The following DNAI4 variants were observed in gnomAD, a reference collection of about 807,000 sequenced individuals.
DNAI4 encodes the protein dynein axonemal intermediate chain 4.
DNAI4 carries 85 observed loss-of-function variants against 105.8 expected under a neutral mutation model. The observed-to-expected ratio is 0.80, with a 90% CI of 0.67 to 0.96. The LOEUF is 0.96. Among genes scored for constraint, DNAI4 ranks in the 40% least tolerant of loss-of-function variants. DNAI4 has a pLI of 0.00. For missense variants in DNAI4, 1,014 were observed against 1,005.6 expected, an observed-to-expected ratio of 1.01 and a Z score of -0.11; for synonymous variants, 352 against 331.5, an observed-to-expected ratio of 1.06 and a Z score of -0.67.
At chr1:66,896,311 C>T (rs1185377870) in intron 2 of DNAI4, among the ~76,000 whole-genome samples, 1 of 152,106 alleles carries the variant, frequency 6.6e-6, no homozygotes, top group Non-Finnish European at 1.5e-5. Context: ...AATTGAAATA[C>T]AATAACATAA....
Position 66,834,122 on chromosome 1 carries a change from G to T in DNAI4, c.1760C>A (p.Pro587His), listed in dbSNP as rs541745942. ...SSESPQKHLG[P>H]VWQLQWIEQD... is the part of the protein sequence containing the mutation. ...TTCTATCCACTGTAGTTGCCATACA[G>T]GTCCCAAATGTTTTTGAGGTGATTC... Residue 587 changes from proline to histidine, a missense_variant, in exon 12 of 17, where the codon CCT becomes CAT. Physicochemically the swap from Pro to His is moderately conservative, Grantham distance 77. Transcript: ENST00000371026. The T allele has an allele frequency of 6.2e-7, 1 of 1,603,978 alleles. No homozygotes were observed. Among genetic ancestry groups the T allele is most frequent in the South Asian group, 1.1e-5 (1 of 88,172 alleles).
chr1:66,815,316 T>C (rs1317173596), intron 16 of DNAI4, among the ~76,000 whole-genome samples: 1 of 152,224 alleles, frequency 6.6e-6, no homozygotes, highest in Non-Finnish European at 1.5e-5. Context: ...TAAATACTAA[T>C]ACTTGTTGAA....
Position 66,836,254 on chromosome 1 carries a change from G to GAGAA in DNAI4, c.1582-481_1582-478dup, listed in dbSNP as rs68091805. 3.0e-3 allele frequency among the ~76,000 whole-genome samples: 293 copies of GAGAA among 99,020 alleles called. 2 individuals are homozygous for GAGAA. Among genetic ancestry groups the GAGAA allele is most frequent in the Middle Eastern group, 4.7e-3 (1 of 212 alleles). 65.0% of individuals were successfully genotyped at this position (99,020 alleles called of 152,430 possible). On this transcript the variant is annotated intron_variant, in intron 10 of 16. Transcript: ENST00000371026. ...AGAGAGAAAGAAAGAAAGAGAGAGAGAGAAAGAAAGAAAGAAAGAAAGAAA... is the reference window on the plus strand; with the variant it reads ...AGAGAGAAAGAAAGAAAGAGAGAGAGAGAAAGAAAGAAAGAAAGAAAGAAAGAAA...
chr1:66,884,207 A>G (rs537041570), intron 4 of DNAI4, among the ~76,000 whole-genome samples: 1 of 152,220 alleles, frequency 6.6e-6, no homozygotes, highest in Non-Finnish European at 1.5e-5. Context: ...TGTATATACC[A>G]CATTTTCTTT....
rs1459966334 is a variant in DNAI4 at position 66,919,131 on chromosome 1, AC to A, written c.170+5530del. On this transcript the variant is annotated intron_variant, in intron 1 of 16. Coordinates refer to ENST00000371026, the MANE Select transcript of DNAI4 (RefSeq NM_024763.5). Reference sequence around the variant, plus strand: ...CTCATGCCTCCCTAAAATGTATAAAACAAAGACATGCCCTGACCACCTTAGG... The same window carrying A: ...CTCATGCCTCCCTAAAATGTATAAAAAAAGACATGCCCTGACCACCTTAGG... The A allele has an allele frequency of 9.0e-6, 4 of 444,382 alleles. No homozygotes were observed. The East Asian group carries it at 2.9e-4, about 32-fold the overall frequency. The allele number at this position is 444,382 out of a possible 1,614,324, so 27.5% of individuals were successfully genotyped here.
intron 8 of DNAI4, among the ~76,000 whole-genome samples, chr1:66,842,078 A>G (rs1646161672): frequency 6.6e-6 from 1 of 152,214 alleles, no homozygotes; most frequent in East Asian, 1.9e-4. Flanking sequence ...AGTCGGAATC[A>G]CACAGTATGT....
At chr1:66,908,257 TA>T (rs1275643305) in intron 1 of DNAI4, among the ~76,000 whole-genome samples, 1 of 152,218 alleles carries the variant, frequency 6.6e-6, no homozygotes, top group Non-Finnish European at 1.5e-5. Flanking sequence ...ATGCCTAAGT[TA>T]CCTTGTCTTG....
chr1:66,828,117 T>C lies in DNAI4; in HGVS notation c.2014-207A>G, dbSNP rs1277457250. The stretch of plus-strand genomic sequence containing the variant: ...AGAGACTACTGTGCAAAAGAAAATA[T>C]AAATTGGTCCTTTGCTGGAATCGGG... On this transcript the variant is annotated intron_variant, in intron 13 of 16. Coordinates refer to ENST00000371026, the MANE Select transcript of DNAI4 (RefSeq NM_024763.5). The C allele has an allele frequency of 2.2e-5, 7 of 312,700 alleles. No homozygotes were observed. In the South Asian group the frequency reaches 6.7e-4, roughly 30 times the overall value. 19.4% of individuals were successfully genotyped at this position (312,700 alleles called of 1,614,324 possible).
At chr1:66,826,579 T>G (rs534331) in intron 15 of DNAI4, among the ~76,000 whole-genome samples, 79,340 of 152,020 alleles carry the variant, frequency 0.52, 21,128 homozygotes, top group East Asian at 0.64. Flanking sequence ...ATTACAGGTG[T>G]GAGCCACTGC....
At chr1:66,913,970 CAAAACTCCGTCTCAAAAAAAAAA>C (rs1198984286) in intron 1 of DNAI4, among the ~76,000 whole-genome samples, 1 of 127,362 alleles carries the variant, frequency 7.9e-6, no homozygotes. Context: ...GGCAACAGAG[CAAAACTCCGTCTCAAAAAAAAAA>C]AAAAAAGAAG....
At chr1:66,893,005 G>GAAAGAA (rs1647861284) in intron 3 of DNAI4, among the ~76,000 whole-genome samples, 1 of 109,382 alleles carries the variant, frequency 9.1e-6, no homozygotes, top group African/African-American at 3.8e-5. Flanking sequence ...AAGAGAGAAA[G>GAAAGAA]AGAGAGAGGA....
intron 2 of DNAI4, among the ~76,000 whole-genome samples, chr1:66,895,379 G>T (rs1043409593): frequency 2.6e-5 from 4 of 152,112 alleles, no homozygotes. Context: ...AAGGCAAGAG[G>T]ACTGCTTAAG....
chr1:66,910,273 C>T (rs1367206099), intron 1 of DNAI4, among the ~76,000 whole-genome samples: 2 of 152,106 alleles, frequency 1.3e-5, no homozygotes, highest in African/African-American at 4.8e-5. Flanking sequence ...AATATGACTA[C>T]TCGAAATCCT....
chr1:66,872,531 A>G (rs1350222414), intron 5 of DNAI4, among the ~76,000 whole-genome samples: 1 of 151,836 alleles, frequency 6.6e-6, no homozygotes, highest in Admixed American at 6.6e-5. Flanking sequence ...TGCCTGGCCC[A>G]TGTTATTTTA....
intron 1 of DNAI4, among the ~76,000 whole-genome samples, chr1:66,912,270 A>G (rs1253232877): frequency 1.3e-5 from 2 of 152,074 alleles, no homozygotes; most frequent in Admixed American, 6.6e-5. Context: ...CAGGAGTTTC[A>G]GACCAGCCTG....
chr1:66,888,709 A>G (rs1199210402), intron 4 of DNAI4, among the ~76,000 whole-genome samples: 1 of 152,124 alleles, frequency 6.6e-6, no homozygotes, highest in African/African-American at 2.4e-5. Context: ...AAAACAAAAC[A>G]AAACAAAAAA....
chr1:66,829,317 C>A (rs1299158056), intron 13 of DNAI4, among the ~76,000 whole-genome samples: 1 of 151,880 alleles, frequency 6.6e-6, no homozygotes, highest in Non-Finnish European at 1.5e-5. Flanking sequence ...TATATGCTAC[C>A]TACAAAAAAA....
intron 2 of DNAI4, among the ~76,000 whole-genome samples, chr1:66,900,450 G>A (rs1227769906): frequency 3.3e-5 from 5 of 152,108 alleles, no homozygotes; most frequent in African/African-American, 1.2e-4. Context: ...AAGTCAGCTG[G>A]AATTCTGATA....
At chr1:66,878,552 G>C (rs750214763) in intron 4 of DNAI4, among the ~76,000 whole-genome samples, 1 of 152,094 alleles carries the variant, frequency 6.6e-6, no homozygotes, top group Non-Finnish European at 1.5e-5. Context: ...TTAGTGGACA[G>C]AGCTAAGAAA....
Sources: allele counts gnomAD v4.1 joint callset (sites outside exome capture counted in the v4.1 genomes callset), GRCh38; gene constraint gnomAD v4.1.1; transcripts MANE v1.5; gene names NCBI Gene and HGNC (gene_info 2026-07-23, HGNC 2026-07-21).